LRRC53: variants seen among roughly 807,000 people sequenced by gnomAD.
The protein encoded by LRRC53 is leucine-rich repeat-containing protein 53.
LRRC53 carries 25 observed loss-of-function variants against 13.6 expected under a neutral mutation model. That is an observed-to-expected ratio of 1.83 (90% CI 1.34 to 2.56). LRRC53 has a LOEUF of 2.56. LRRC53 is among the 30% of genes most tolerant of loss of function. The pLI, the probability that LRRC53 is intolerant of heterozygous loss-of-function variation, is 0.00. For missense variants in LRRC53, 527 were observed against 275.8 expected (o/e 1.91, Z -6.45); for synonymous variants, 204 against 109.8 (o/e 1.86, Z -5.37).
At chr1:74,501,734 A>C (rs1255963265) in intron 1 of LRRC53, among the ~76,000 whole-genome samples, 3 of 151,900 alleles carry the variant, frequency 2.0e-5, no homozygotes, top group Admixed American at 6.6e-5. Context: ...TGATCTGTCC[A>C]CCTCGGCCTC....
chr1:74,530,922 C>A, the LRRC53 span, among the ~76,000 whole-genome samples: 3 of 152,000 alleles, frequency 2.0e-5, no homozygotes, highest in Non-Finnish European at 4.4e-5. Flanking sequence ...ACTGTTGAGC[C>A]TATTAATAAT....
upstream of LRRC53, among the ~76,000 whole-genome samples, chr1:74,516,759 G>A (rs1646353942): frequency 1.3e-5 from 2 of 152,134 alleles, no homozygotes; most frequent in African/African-American, 4.8e-5. Context: ...TAGTAATAAT[G>A]AATGTGCCCT....
At chr1:74,500,899 C>G (rs1442253474) in intron 1 of LRRC53, among the ~76,000 whole-genome samples, 1 of 151,818 alleles carries the variant, frequency 6.6e-6, no homozygotes, top group Admixed American at 6.6e-5. Flanking sequence ...TAGAAGTCTT[C>G]TTTATCTTTG....
At chr1:74,495,845 A>G (rs938951387) in intron 1 of LRRC53, among the ~76,000 whole-genome samples, 2 of 152,162 alleles carry the variant, frequency 1.3e-5, no homozygotes, top group African/African-American at 4.8e-5. Context: ...TCAATCTGTG[A>G]ATAACTTCGA....
the LRRC53 span, among the ~76,000 whole-genome samples, chr1:74,536,517 A>T: frequency 6.6e-6 from 1 of 152,164 alleles, no homozygotes; most frequent in African/African-American, 2.4e-5. Flanking sequence ...ACGGTGACTG[A>T]TGATCATTTT....
chr1:74,504,227 A>G (rs1343800464), intron 1 of LRRC53, among the ~76,000 whole-genome samples: 4 of 152,220 alleles, frequency 2.6e-5, no homozygotes, highest in Admixed American at 2.0e-4. Flanking sequence ...CTGTGATGAA[A>G]GGTGATAGGG....
chr1:74,495,569 G>C (rs910421793), intron 1 of LRRC53, among the ~76,000 whole-genome samples: 2 of 152,002 alleles, frequency 1.3e-5, no homozygotes, highest in African/African-American at 4.8e-5. Context: ...TGAACATCCT[G>C]GGCACTATTT....
At chr1:74,493,476 G>A (rs1486049675) in intron 1 of LRRC53, among the ~76,000 whole-genome samples, 4 of 152,176 alleles carry the variant, frequency 2.6e-5, no homozygotes, top group Non-Finnish European at 5.9e-5. Context: ...CCATTCACAT[G>A]CCCCAGTTCC....
At chr1:74,500,660 T>G (rs868392016) in intron 1 of LRRC53, among the ~76,000 whole-genome samples, 2 of 111,522 alleles carry the variant, frequency 1.8e-5, no homozygotes, top group African/African-American at 6.2e-5. Flanking sequence ...AAAAAAAAAA[T>G]TATTTAAGCC....
intron 3 of LRRC53, among the ~76,000 whole-genome samples, chr1:74,478,769 T>C (rs1394769834): frequency 6.6e-6 from 1 of 152,236 alleles, no homozygotes; most frequent in African/African-American, 2.4e-5. Context: ...TGTGTTTTTA[T>C]TGGGATATCT....
chr1:74,490,163 G>A (rs769051089), intron 1 of LRRC53, among the ~76,000 whole-genome samples: 14 of 150,870 alleles, frequency 9.3e-5, no homozygotes, highest in Non-Finnish European at 1.8e-4. Flanking sequence ...ATGACTCTTT[G>A]CTGGAATTTC....
chr1:74,498,305 C>T lies in LRRC53; in HGVS notation c.-27+14221G>A, dbSNP rs554597352. 1.7e-3 allele frequency among the ~76,000 whole-genome samples: 260 copies of T among 152,266 alleles called. 1 individual carries two copies. Among genetic ancestry groups the T allele is most frequent in the African/African-American group, 5.8e-3 (241 of 41,536 alleles). On this transcript the variant is annotated intron_variant, in intron 1 of 4. Transcript: ENST00000294635. ...AGCCTTCAGTAATTATCTCAATCAG[C>T]GTAATCACTATGTCATGAAGAAGTA...
At chr1:74,535,600 C>T in the LRRC53 span, among the ~76,000 whole-genome samples, 2 of 152,186 alleles carry the variant, frequency 1.3e-5, no homozygotes, top group African/African-American at 4.8e-5. Flanking sequence ...AGAGGTGCTT[C>T]AGTCCTTAGC....
chr1:74,477,360 C>A (rs1415765571), intron 3 of LRRC53, among the ~76,000 whole-genome samples: 2 of 152,016 alleles, frequency 1.3e-5, no homozygotes, highest in Non-Finnish European at 2.9e-5. Context: ...ATGTTTAATA[C>A]AGTGCTTTGA....
intron 1 of LRRC53, among the ~76,000 whole-genome samples, chr1:74,496,409 A>G (rs1011377181): frequency 6.6e-6 from 1 of 152,222 alleles, no homozygotes; most frequent in Admixed American, 6.5e-5. Flanking sequence ...ATTTTTTAGT[A>G]TAGCATTATG....
chr1:74,513,110 C>T (rs1163248304), upstream of LRRC53, among the ~76,000 whole-genome samples: 1 of 152,198 alleles, frequency 6.6e-6, no homozygotes, highest in Non-Finnish European at 1.5e-5. Context: ...TAGCACACAG[C>T]TTGCTCAGTC....
rs1223367717 is a variant in LRRC53 at position 74,469,669 on chromosome 1, A to T, written c.*209T>A. 1.3e-5 allele frequency: 5 copies of T among 377,872 alleles called. No individual in the cohort carries two copies. Among genetic ancestry groups the T allele is most frequent in the African/African-American group, 2.1e-5 (1 of 48,124 alleles). The allele number at this position is 377,872 out of a possible 1,614,324, so 23.4% of individuals were successfully genotyped here. On this transcript the variant is annotated 3_prime_UTR_variant, in exon 5 of 5. Transcript: ENST00000294635. ...ATTCCTTAGAGAAGCATACTCAGTT[A>T]ATTGTGTCAGACGTATCCTATGACT...
rs1368598266 is a variant in LRRC53 at position 74,471,381 on chromosome 1, C to G, written c.2241G>C (p.Leu747Phe). ...AAGTTTTGGATAATTTCTTAGGAGG[C>G]AACAATACCTGCTTGCATTGCTTTG... is the stretch of plus-strand genomic sequence containing the variant. ...SLPKQCKQVL[L>F]PPKKLSKTSE... The change falls in exon 5 of 5, where the codon TTG (leucine) becomes TTC (phenylalanine). Residue 747 changes from leucine to phenylalanine, a missense_variant. By Grantham distance (22) the Leu-to-Phe change is conservative (BLOSUM62 0). Transcript: ENST00000294635. 2.5e-6 allele frequency: 1 copy of G among 400,510 alleles called. No homozygotes were observed. Among genetic ancestry groups the G allele is most frequent in the African/African-American group, 2.1e-5 (1 of 48,674 alleles). 24.8% of individuals were successfully genotyped at this position (400,510 alleles called of 1,614,324 possible).
chr1:74,509,018 C>G (rs1389209141), intron 1 of LRRC53, among the ~76,000 whole-genome samples: 1 of 152,126 alleles, frequency 6.6e-6, no homozygotes, highest in Non-Finnish European at 1.5e-5. Context: ...TGGATAAACC[C>G]CTTTCTGAGG....
Sources: gnomAD v4.1 joint callset for allele counts (sites outside exome capture counted in the v4.1 genomes callset) on GRCh38, gnomAD v4.1.1 for gene constraint, MANE v1.5 for transcripts, NCBI Gene and HGNC (gene_info 2026-07-23, HGNC 2026-07-21) for gene names.